KITLG: variants seen among roughly 807,000 people sequenced by gnomAD.
KITLG encodes KIT ligand.
A neutral mutation model predicts 34.1 loss-of-function variants in KITLG; 13 were observed. The observed-to-expected ratio is 0.38, with a 90% CI of 0.25 to 0.61. KITLG has a LOEUF of 0.61. KITLG is among the 20% of genes least tolerant of loss of function. KITLG has a pLI of 0.60. For missense variants in KITLG, 292 were observed against 318.9 expected (o/e 0.92, Z 0.64); for synonymous variants, 110 against 104.0 (o/e 1.06, Z -0.35).
chr12:88,550,796 A>G (rs529796740), intron 1 of KITLG, among the ~76,000 whole-genome samples: 1 of 152,174 alleles, frequency 6.6e-6, no homozygotes, highest in East Asian at 1.9e-4. Context: ...ACTTTTGCAA[A>G]TATCAAGCAT....
intron 6 of KITLG, among the ~76,000 whole-genome samples, chr12:88,508,571 G>GTA (rs1373285933): frequency 2.6e-5 from 4 of 152,002 alleles, no homozygotes; most frequent in African/African-American, 9.7e-5. Context: ...GTGTGTGTGT[G>GTA]TGTGTGTGTG....
At chr12:88,551,251 C>T (rs1870904109) in intron 1 of KITLG, among the ~76,000 whole-genome samples, 1 of 152,128 alleles carries the variant, frequency 6.6e-6, no homozygotes, top group East Asian at 1.9e-4. Flanking sequence ...GGGAGATAAT[C>T]AAGTTAGAAA....
At chr12:88,559,898 T>C (rs1238440738) in intron 1 of KITLG, among the ~76,000 whole-genome samples, 1 of 152,196 alleles carries the variant, frequency 6.6e-6, no homozygotes, top group Non-Finnish European at 1.5e-5. Flanking sequence ...CTGGTAACAA[T>C]ACTCTACAAC....
chr12:88,522,404 A>C (rs1419313972), intron 3 of KITLG, among the ~76,000 whole-genome samples: 2 of 148,640 alleles, frequency 1.3e-5, no homozygotes, highest in Non-Finnish European at 3.0e-5. Flanking sequence ...ACATTATTCC[A>C]CATTGGTATT....
At chr12:88,546,879 CG>C (rs1870738407) in intron 1 of KITLG, among the ~76,000 whole-genome samples, 1 of 152,064 alleles carries the variant, frequency 6.6e-6, no homozygotes, top group Non-Finnish European at 1.5e-5. Flanking sequence ...TAAACACTTT[CG>C]GAACACAGAA....
intron 3 of KITLG, among the ~76,000 whole-genome samples, chr12:88,527,975 G>A (rs565380716): frequency 6.6e-6 from 1 of 152,168 alleles, no homozygotes; most frequent in Non-Finnish European, 1.5e-5. Flanking sequence ...GGATGTAGTA[G>A]CTTATTATTG....
At chr12:88,572,439 TA>T (rs1871682342) in intron 1 of KITLG, among the ~76,000 whole-genome samples, 1 of 151,292 alleles carries the variant, frequency 6.6e-6, no homozygotes, top group South Asian at 2.1e-4. Context: ...TTTCATATTT[TA>T]AAAAAAGGTA....
At chr12:88,577,712 TATTGGAA>T (rs1566039216) in intron 1 of KITLG, among the ~76,000 whole-genome samples, 1 of 152,234 alleles carries the variant, frequency 6.6e-6, no homozygotes, top group Non-Finnish European at 1.5e-5. Flanking sequence ...TGTGTCATTA[TATTGGAA>T]ATACTGAAGT....
chr12:88,532,521 A>C lies in KITLG; in HGVS notation c.130-18T>G. 6.4e-7 allele frequency: 1 copy of C among 1,573,612 alleles called. No homozygotes were observed. The highest frequency in any genetic ancestry group is 8.7e-7 in the Non-Finnish European group (1 of 1,149,292). On this transcript the variant is annotated intron_variant, in intron 2 of 9. Transcript: ENST00000644744. ...TTTGCCACCTACAGAGACAAAAAAA[A>C]AAATTCCATAAGAAAATTCTTATAC...
Position 88,507,008 on chromosome 12 carries a change from A to G in KITLG, c.714+20T>C. The G allele has an allele frequency of 2.3e-6, 3 of 1,290,406 alleles. No individual in the cohort carries two copies. In the South Asian group the frequency reaches 3.6e-5, roughly 15 times the overall value. The allele number at this position is 1,290,406 out of a possible 1,614,324, so 79.9% of individuals were successfully genotyped here. A position where few individuals can be genotyped will look rare whatever the true frequency, so the allele number is the denominator to read the frequency against. Reference sequence around the variant, plus strand: ...ATGTAAACATAGCATATTTTTAAAAAAAGGAATGGTACCACTTACCTTCCA... The same window carrying G: ...ATGTAAACATAGCATATTTTTAAAAGAAGGAATGGTACCACTTACCTTCCA... On this transcript the variant is annotated intron_variant, in intron 7 of 9. Coordinates refer to ENST00000644744, the MANE Select transcript of KITLG (RefSeq NM_000899.5).
chr12:88,536,580 C>T (rs1426243029), intron 2 of KITLG, among the ~76,000 whole-genome samples: 1 of 152,110 alleles, frequency 6.6e-6, no homozygotes, highest in African/African-American at 2.4e-5. Context: ...GACTTGGAAC[C>T]AACCCAAATG....
At chr12:88,547,967 T>A (rs1566030469) in intron 1 of KITLG, among the ~76,000 whole-genome samples, 2 of 152,138 alleles carry the variant, frequency 1.3e-5, no homozygotes, top group Non-Finnish European at 2.9e-5. Context: ...GGTTATACAG[T>A]ATGTCAAAAG....
intron 6 of KITLG, among the ~76,000 whole-genome samples, chr12:88,508,626 G>T (rs940798612): frequency 6.6e-6 from 1 of 151,826 alleles, no homozygotes; most frequent in South Asian, 2.1e-4. Context: ...AGGTGCTGGT[G>T]ATCCCCACGT....
intron 1 of KITLG, among the ~76,000 whole-genome samples, chr12:88,565,482 G>A (rs1021329950): frequency 1.3e-5 from 2 of 152,142 alleles, no homozygotes; most frequent in South Asian, 2.1e-4. Context: ...AAAATTAGCC[G>A]GGAGTGGTGG....
At chr12:88,539,486 C>T (rs1870443775) in intron 2 of KITLG, among the ~76,000 whole-genome samples, 1 of 152,044 alleles carries the variant, frequency 6.6e-6, no homozygotes, top group Non-Finnish European at 1.5e-5. Context: ...AATAACACCC[C>T]CCAAAAAAGC....
intron 1 of KITLG, among the ~76,000 whole-genome samples, chr12:88,579,243 C>T (rs886935320): frequency 6.6e-6 from 1 of 152,148 alleles, no homozygotes; most frequent in African/African-American, 2.4e-5. Flanking sequence ...TTCCTTTTTC[C>T]CCACCACTTC....
chr12:88,499,628 A>G (rs1868777730), intron 9 of KITLG, among the ~76,000 whole-genome samples: 1 of 152,132 alleles, frequency 6.6e-6, no homozygotes, highest in Non-Finnish European at 1.5e-5. Context: ...GGTTAGTTTC[A>G]ATAATATTTA....
At chr12:88,543,269 A>C (rs1176328618) in intron 2 of KITLG, among the ~76,000 whole-genome samples, 1 of 150,454 alleles carries the variant, frequency 6.6e-6, no homozygotes, top group African/African-American at 2.5e-5. Context: ...CCAGGCCCCC[A>C]CCCCCCAACA....
chr12:88,496,930 T>A lies in KITLG; in HGVS notation c.*289A>T, dbSNP rs748156185. 10 of 175,062 alleles carry A rather than the reference T, an allele frequency of 5.7e-5. No individual in the cohort carries two copies. The highest frequency in any genetic ancestry group is 1.4e-4 in the African/African-American group (6 of 41,764). The allele number at this position is 175,062 out of a possible 1,614,324, so 10.8% of individuals were successfully genotyped here. Reference sequence around the variant, plus strand: ...GAGACACGTGCTTTCTCTTCCAACATCAGCTGCAAGTTCTAAATGAGACCC... The same window carrying A: ...GAGACACGTGCTTTCTCTTCCAACAACAGCTGCAAGTTCTAAATGAGACCC... On this transcript the variant is annotated 3_prime_UTR_variant, in exon 10 of 10. Coordinates refer to ENST00000644744, the MANE Select transcript of KITLG (RefSeq NM_000899.5).
Sources: allele counts gnomAD v4.1 joint callset (sites outside exome capture counted in the v4.1 genomes callset), GRCh38; gene constraint gnomAD v4.1.1; transcripts MANE v1.5; gene names NCBI Gene and HGNC (gene_info 2026-07-23, HGNC 2026-07-21).